The following ANO2 variants were observed in gnomAD, a reference collection of about 807,000 sequenced individuals.
ANO2 encodes the protein anoctamin-2.
A neutral mutation model predicts 124.2 loss-of-function variants in ANO2; 101 were observed. That is an observed-to-expected ratio of 0.81 (90% CI 0.69 to 0.96). The LOEUF is 0.96. ANO2 is among the 40% of genes least tolerant of loss of function. The pLI is 0.00. For synonymous variants in ANO2, 486 were observed against 482.5 expected, an observed-to-expected ratio of 1.01 and a Z score of -0.09; for missense variants, 1,293 against 1,274.5, an observed-to-expected ratio of 1.01 and a Z score of -0.22.
intron 2 of ANO2, among the ~76,000 whole-genome samples, chr12:5,921,715 C>T (rs1370355314): frequency 6.6e-6 from 1 of 152,146 alleles, no homozygotes; most frequent in African/African-American, 2.4e-5. Context: ...CGCCTGCACA[C>T]ACACATGCAA....
chr12:5,887,192 C>A (rs987455552), intron 3 of ANO2, among the ~76,000 whole-genome samples: 6 of 151,586 alleles, frequency 4.0e-5, no homozygotes, highest in African/African-American at 1.2e-4. Context: ...TTTTTTAAAG[C>A]AGAGAGGAAT....
intron 3 of ANO2, among the ~76,000 whole-genome samples, chr12:5,858,289 A>G (rs1489696301): frequency 6.6e-6 from 1 of 152,242 alleles, no homozygotes; most frequent in South Asian, 2.1e-4. Context: ...TCTGTATCCC[A>G]TAAGTATGTA....
intron 4 of ANO2, among the ~76,000 whole-genome samples, chr12:5,852,318 G>A (rs890056380): frequency 1.6e-4 from 25 of 152,158 alleles, no homozygotes. Context: ...AATTGAAGGG[G>A]AAAGACACAG....
chr12:5,910,563 T>G (rs1940987146), intron 3 of ANO2, among the ~76,000 whole-genome samples: 1 of 152,218 alleles, frequency 6.6e-6, no homozygotes, highest in South Asian at 2.1e-4. Context: ...AAGTAAATAC[T>G]AAATGTCAGT....
chr12:5,628,667 AGT>A (rs72150450), intron 16 of ANO2, among the ~76,000 whole-genome samples: 45,552 of 150,620 alleles, frequency 0.3, 7,639 homozygotes, highest in East Asian at 0.48. Flanking sequence ...GTAAGCAGAG[AGT>A]GTGTGTGTGT....
chr12:5,609,640 T>TATAC (rs1944386777), intron 19 of ANO2, among the ~76,000 whole-genome samples: 2 of 152,130 alleles, frequency 1.3e-5, no homozygotes, highest in Admixed American at 1.3e-4. Flanking sequence ...GGGATTGGGA[T>TATAC]ATACATCCTT....
chr12:5,631,223 T>C (rs571295405), intron 16 of ANO2, among the ~76,000 whole-genome samples: 1 of 152,214 alleles, frequency 6.6e-6, no homozygotes, highest in Admixed American at 6.5e-5. Context: ...ATCCAATGAA[T>C]AGTGTGGATA....
In ANO2 at chr12:5,577,993, T is replaced by C; in HGVS notation, c.2401A>G (p.Ile801Val). The C allele has an allele frequency of 6.2e-7, 1 of 1,613,854 alleles. No homozygotes were observed. Among genetic ancestry groups the C allele is most frequent in the Non-Finnish European group, 8.5e-7 (1 of 1,179,796 alleles). Residue 801 changes from isoleucine to valine, a missense_variant, in exon 22 of 25, where the codon ATT becomes GTT. Physicochemically the swap from Ile to Val is conservative, Grantham distance 29. Transcript: ENST00000682330. ...RTKDIGIWFDILSGIGKFSVI... is the reference protein window; with the variant it reads ...RTKDIGIWFDVLSGIGKFSVI... ...GAGAACTTGCCAATTCCAGAGAGAA[T>C]GTCAAACCAGATTCCTACAAGACAG...
chr12:5,579,156 G>A (rs965231314), intron 20 of ANO2, among the ~76,000 whole-genome samples: 2 of 152,212 alleles, frequency 1.3e-5, no homozygotes, highest in Non-Finnish European at 2.9e-5. Context: ...ACGCATTTAT[G>A]GAGAGCATTT....
intron 19 of ANO2, among the ~76,000 whole-genome samples, chr12:5,610,672 G>C (rs1328776799): frequency 7.4e-6 from 1 of 135,398 alleles, no homozygotes. Flanking sequence ...GGGTCTTGGG[G>C]CATGTCAGGA....
intron 11 of ANO2, among the ~76,000 whole-genome samples, chr12:5,749,347 G>A (rs1474406104): frequency 6.6e-6 from 1 of 152,158 alleles, no homozygotes; most frequent in Non-Finnish European, 1.5e-5. Context: ...GAATTGGCCC[G>A]GGGCCTCCAC....
At chr12:5,842,756 A>C (rs1954556000) in intron 4 of ANO2, among the ~76,000 whole-genome samples, 1 of 152,184 alleles carries the variant, frequency 6.6e-6, no homozygotes, top group Non-Finnish European at 1.5e-5. Flanking sequence ...TTGTCCACTG[A>C]AAGGCCTCCA....
chr12:5,814,192 A>G (rs796114502), intron 7 of ANO2, among the ~76,000 whole-genome samples: 5 of 152,266 alleles, frequency 3.3e-5, no homozygotes, highest in African/African-American at 1.2e-4. Flanking sequence ...AGGTCTAGGG[A>G]TGATAAGAGC....
chr12:5,691,327 C>CAAAAAAAAA (rs60573302), intron 14 of ANO2, among the ~76,000 whole-genome samples: 7 of 86,972 alleles, frequency 8.0e-5, no homozygotes, highest in African/African-American at 2.3e-4. Flanking sequence ...GACTCCATCT[C>CAAAAAAAAA]AAAAAAAAAA....
intron 3 of ANO2, among the ~76,000 whole-genome samples, chr12:5,909,868 T>C (rs1359452912): frequency 2.6e-5 from 4 of 152,176 alleles, no homozygotes; most frequent in African/African-American, 4.8e-5. Context: ...CAAGGGCATG[T>C]AGGCATTTTG....
At chr12:5,891,816 T>C (rs1457194827) in intron 3 of ANO2, among the ~76,000 whole-genome samples, 3 of 136,194 alleles carry the variant, frequency 2.2e-5, no homozygotes, top group African/African-American at 5.6e-5. Flanking sequence ...ACCAGATCAA[T>C]TGCCTGATAA....
rs1243668728 is a variant in ANO2, at chr12:5,921,049, C to T, written c.525G>A (p.Lys175=). 6.2e-7 allele frequency: 1 copy of T among 1,606,490 alleles called. No homozygotes were observed. Among genetic ancestry groups the T allele is most frequent in the Non-Finnish European group, 8.5e-7 (1 of 1,173,754 alleles). The change falls in exon 3 of 25, where the codon AAG becomes AAA. Residue 175 remains lysine (K), a synonymous_variant. Transcript: ENST00000682330. ...NLMEAGLELE[K]DLENKSQGSI... is the part of the protein sequence containing the mutation. ...CACCCGCCTGACTCACCTCCAAGTC[C>T]TTCTCAAGCTCCAGTCCAGCCTCCA...
rs56837019 is a variant in ANO2, at chr12:5,658,797, TATC to T, written c.1546-10999_1546-10997del. Among the ~76,000 whole-genome samples, 35 of 150,922 alleles carry T rather than the reference TATC, an allele frequency of 2.3e-4. No homozygotes were observed. The highest frequency in any genetic ancestry group is 1.6e-3 in the East Asian group (8 of 5,094). ...GCATCAATATTATCATTGTCATCAA[TATC>T]ATCATCATCAACATCATCATTAAAT... On this transcript the variant is annotated intron_variant, in intron 14 of 24. Transcript: ENST00000682330. This position sits in a 1 kb window ranked among gnomAD's most constrained non-coding sequence, Gnocchi z 4.3.
chr12:5,708,112 G>T (rs1021049224), intron 14 of ANO2, among the ~76,000 whole-genome samples: 8 of 152,132 alleles, frequency 5.3e-5, no homozygotes, highest in South Asian at 2.1e-4. Context: ...CCTACCAGTT[G>T]TTCAAACTAG....
Sources: gnomAD v4.1 joint callset for allele counts (sites outside exome capture counted in the v4.1 genomes callset) on GRCh38, gnomAD v4.1.1 for gene constraint, Gnocchi (gnomAD v3.1) non-coding constraint, MANE v1.5 for transcripts, NCBI Gene and HGNC (gene_info 2026-07-23, HGNC 2026-07-21) for gene names.